Variants in EPN2 observed in about 807,000 individuals in gnomAD.
EPN2 encodes the protein epsin-2.
In EPN2, 34 loss-of-function variants were observed where a neutral mutation model predicts 61.7. That is an observed-to-expected ratio of 0.55 (90% CI 0.42 to 0.73). The LOEUF (loss-of-function observed/expected upper bound fraction) is 0.73, where lower values mean the gene tolerates loss of function less well. Ranked by LOEUF, EPN2 falls within the 30% of genes least tolerant of loss-of-function variation. The probability of loss-of-function intolerance (pLI) is 0.00; values close to 1 mark genes in which losing one functional copy is unlikely to be tolerated. For missense variants in EPN2, 714 were observed against 839.2 expected, an observed-to-expected ratio of 0.85 and a Z score of 1.84; for synonymous variants, 349 against 353.6, an observed-to-expected ratio of 0.99 and a Z score of 0.15.
intron 7 of EPN2, among the ~76,000 whole-genome samples, chr17:19,317,516 G>A (rs1046755155): frequency 5.9e-5 from 9 of 152,136 alleles, no homozygotes; most frequent in East Asian, 3.9e-4. Context: ...ACCCCCCCGC[G>A]TTGTGACTGC....
chr17:19,277,811 G>T (rs556012042), intron 1 of EPN2, among the ~76,000 whole-genome samples: 1 of 152,150 alleles, frequency 6.6e-6, no homozygotes, highest in Non-Finnish European at 1.5e-5. Context: ...GGTGGCTCAC[G>T]CCTGTAATCC....
intron 1 of EPN2, among the ~76,000 whole-genome samples, chr17:19,241,033 G>A (rs1259954177): frequency 6.6e-6 from 1 of 152,172 alleles, no homozygotes; most frequent in Admixed American, 6.6e-5. Context: ...GAGGCCTAGG[G>A]AGCTTAAGTT....
intron 1 of EPN2, among the ~76,000 whole-genome samples, chr17:19,258,714 G>A (rs4924961): frequency 0.04 from 6,097 of 152,214 alleles, 525 homozygotes; most frequent in East Asian, 0.27. Flanking sequence ...GGCCCTTGGC[G>A]TCGATGCTGC....
intron 4 of EPN2, among the ~76,000 whole-genome samples, chr17:19,305,370 C>G (rs140446006): frequency 1.3e-5 from 2 of 152,084 alleles, no homozygotes; most frequent in East Asian, 1.9e-4. Context: ...TGATCCACCC[C>G]CTTCGGTCTC....
Position 19,297,939 on chromosome 17 carries a change from C to T in EPN2, c.767-11946C>T, listed in dbSNP as rs182989566. 6.0e-4 allele frequency among the ~76,000 whole-genome samples: 91 copies of T among 152,250 alleles called. 1 individual carries two copies. Among genetic ancestry groups the T allele is most frequent in the Non-Finnish European group, 9.9e-4 (67 of 68,010 alleles). On this transcript the variant is annotated intron_variant, in intron 4 of 10. Coordinates refer to ENST00000314728, the MANE Select transcript of EPN2 (RefSeq NM_014964.5). ...AGTCTCACTCTGTCACCCAGTGGCACGATCTCGGCTCACTGCAGCCCTGCC... is the reference window on the plus strand; with the variant it reads ...AGTCTCACTCTGTCACCCAGTGGCATGATCTCGGCTCACTGCAGCCCTGCC...
intron 1 of EPN2, among the ~76,000 whole-genome samples, chr17:19,240,306 C>G (rs926195116): frequency 1.3e-5 from 2 of 151,762 alleles, no homozygotes; most frequent in Admixed American, 6.6e-5. Flanking sequence ...AGTGCAGTGG[C>G]GCAATCTTGG....
chr17:19,283,812 A>T lies in EPN2; in HGVS notation c.595+98A>T. On this transcript the variant is annotated intron_variant, in intron 3 of 10. Coordinates refer to ENST00000314728, the MANE Select transcript of EPN2 (RefSeq NM_014964.5). The surrounding 1 kb of genome is among the most constrained non-coding windows in gnomAD (Gnocchi z 7.0). ...GGGCTTAGGGAGTGGTGGCCACTGC[A>T]GAGCTCGAACCTGTCCTCAGTACCC... 1.1e-6 allele frequency: 1 copy of T among 898,194 alleles called. No homozygotes were observed. Among genetic ancestry groups the T allele is most frequent in the Non-Finnish European group, 1.6e-6 (1 of 607,488 alleles). The allele number at this position is 898,194 out of a possible 1,614,324, so 55.6% of individuals were successfully genotyped here.
At chr17:19,292,420 T>C (rs2045474480) in intron 4 of EPN2, among the ~76,000 whole-genome samples, 1 of 152,246 alleles carries the variant, frequency 6.6e-6, no homozygotes, top group African/African-American at 2.4e-5. Flanking sequence ...CATCTTGTTT[T>C]GGTGGAACAA....
At chr17:19,330,368 A>G (rs1907103264) in intron 9 of EPN2, among the ~76,000 whole-genome samples, 1 of 151,334 alleles carries the variant, frequency 6.6e-6, no homozygotes. Flanking sequence ...CCTCTATCCC[A>G]GTCTCTTCTT....
chr17:19,257,546 G>T (rs1433667227), intron 1 of EPN2, among the ~76,000 whole-genome samples: 1 of 148,168 alleles, frequency 6.7e-6, no homozygotes, highest in African/African-American at 2.5e-5. Flanking sequence ...TTGACACGGG[G>T]TCTTGCTGTC....
chr17:19,250,944 C>A (rs2045009098), intron 1 of EPN2, among the ~76,000 whole-genome samples: 1 of 152,018 alleles, frequency 6.6e-6, no homozygotes, highest in Admixed American at 6.6e-5. Flanking sequence ...GCCCTTCTCT[C>A]TCTGACCCAG....
chr17:19,253,410 CTTTTTTTTT>C (rs59492982), intron 1 of EPN2, among the ~76,000 whole-genome samples: 2 of 101,872 alleles, frequency 2.0e-5, no homozygotes, highest in Admixed American at 1.0e-4. Flanking sequence ...TAAATAGTTG[CTTTTTTTTT>C]TTTTTTTTTT....
rs538586063 is a variant in EPN2 at position 19,285,150 on chromosome 17, G to A, written c.596-470G>A. On this transcript the variant is annotated intron_variant, in intron 3 of 10. Coordinates refer to ENST00000314728, the MANE Select transcript of EPN2 (RefSeq NM_014964.5). This position sits in a 1 kb window ranked among gnomAD's most constrained non-coding sequence, Gnocchi z 4.5. ...TGACTTCCTCTGTCCCTGTGACTGTGGCTGTGGCTTTGATGCAGGCCAAGG... is the reference window on the plus strand; with the variant it reads ...TGACTTCCTCTGTCCCTGTGACTGTAGCTGTGGCTTTGATGCAGGCCAAGG... 2.6e-5 allele frequency among the ~76,000 whole-genome samples: 4 copies of A among 152,324 alleles called. No individual in the cohort carries two copies. The highest frequency in any genetic ancestry group is 9.6e-5 in the African/African-American group (4 of 41,572).
intron 1 of EPN2, among the ~76,000 whole-genome samples, chr17:19,280,506 G>C (rs960926237): frequency 2.0e-5 from 3 of 152,148 alleles, no homozygotes; most frequent in Admixed American, 6.6e-5. Flanking sequence ...CCTGCTTTTA[G>C]CTGAAGCCCT....
intron 7 of EPN2, among the ~76,000 whole-genome samples, chr17:19,326,518 C>G (rs1196119622): frequency 6.6e-6 from 1 of 151,956 alleles, no homozygotes; most frequent in African/African-American, 2.4e-5. Flanking sequence ...AACCCCGTCT[C>G]TCCTAAAAAA....
intron 1 of EPN2, among the ~76,000 whole-genome samples, chr17:19,260,625 C>CTT (rs1046972270): frequency 4.9e-5 from 7 of 142,546 alleles, no homozygotes; most frequent in South Asian, 4.5e-4. Flanking sequence ...GAGAATGGAA[C>CTT]TTTTTTTTTT....
rs1266490830 is a variant in EPN2 at position 19,283,912 on chromosome 17, G to A, written c.595+198G>A. On this transcript the variant is annotated intron_variant, in intron 3 of 10. Coordinates refer to ENST00000314728, the MANE Select transcript of EPN2 (RefSeq NM_014964.5). This position sits in a 1 kb window ranked among gnomAD's most constrained non-coding sequence, Gnocchi z 7.0. ...TTATAAAGGGACTTTTAGTCCCTTG[G>A]CTGCTCTGGTTCAGGGATCTCTAAC... is the stretch of plus-strand genomic sequence containing the variant. Among the ~76,000 whole-genome samples, 1 of 152,182 alleles carries A rather than the reference G, an allele frequency of 6.6e-6. No individual in the cohort carries two copies. Among genetic ancestry groups the A allele is most frequent in the Non-Finnish European group, 1.5e-5 (1 of 68,016 alleles).
At chr17:19,275,936 A>G (rs2045301198) in intron 1 of EPN2, among the ~76,000 whole-genome samples, 1 of 152,138 alleles carries the variant, frequency 6.6e-6, no homozygotes, top group Non-Finnish European at 1.5e-5. Context: ...TCATGGTGCT[A>G]CTTCCCCAGG....
At chr17:19,247,200 T>A (rs2044962702) in intron 1 of EPN2, among the ~76,000 whole-genome samples, 1 of 152,200 alleles carries the variant, frequency 6.6e-6, no homozygotes, top group Non-Finnish European at 1.5e-5. Flanking sequence ...CTGGGAGATG[T>A]AGAAGTATGG....
Sources: gnomAD v4.1 joint callset for allele counts (sites outside exome capture counted in the v4.1 genomes callset) on GRCh38, gnomAD v4.1.1 for gene constraint, Gnocchi (gnomAD v3.1) non-coding constraint, MANE v1.5 for transcripts, NCBI Gene and HGNC (gene_info 2026-07-23, HGNC 2026-07-21) for gene names.